Variants in TMEM131 observed in about 807,000 individuals in gnomAD.
TMEM131 encodes 2610524E03Rik.
A neutral mutation model predicts 211.6 loss-of-function variants in TMEM131; 66 were observed. That is an observed-to-expected ratio of 0.31 (90% CI 0.26 to 0.38). The LOEUF (loss-of-function observed/expected upper bound fraction) is 0.38, where lower values mean the gene tolerates loss of function less well. Among genes scored for constraint, TMEM131 ranks in the 10% least tolerant of loss-of-function variants. The probability of loss-of-function intolerance (pLI) is 1.00; values close to 1 mark genes in which losing one functional copy is unlikely to be tolerated. For missense variants in TMEM131, 2,036 were observed against 2,299.3 expected (o/e 0.89, Z 2.34); for synonymous variants, 844 against 841.3 (o/e 1.00, Z -0.06).
rs766844923 is a variant in TMEM131 at position 97,814,107 on chromosome 2, G to A, written c.1481C>T (p.Pro494Leu). Residue 494 changes from proline (P) to leucine (L), a missense_variant, in exon 15 of 41, where the codon CCT (proline) becomes CTT (leucine). Coordinates refer to ENST00000186436, the MANE Select transcript of TMEM131 (RefSeq NM_015348.2). ...HNFSKPVLIL[P>L]NESGYIFTLL... ...GGTAAAAATGTATCCTGATTCATTA[G>A]GAAGAATTAAGACTGGTTTGCTGAA... The A allele has an allele frequency of 7.5e-6, 12 of 1,609,640 alleles. No homozygotes were observed. In the South Asian group the frequency reaches 1.3e-4, roughly 18 times the overall value.
At chr2:97,830,273 ACAAT>A (rs1414199815) in intron 11 of TMEM131, among the ~76,000 whole-genome samples, 1 of 152,210 alleles carries the variant, frequency 6.6e-6, no homozygotes, top group African/African-American at 2.4e-5. Flanking sequence ...CAACTCATAC[ACAAT>A]CAACACCTTG....
At chr2:97,858,180 C>T (rs1673924482) in intron 5 of TMEM131, among the ~76,000 whole-genome samples, 1 of 152,058 alleles carries the variant, frequency 6.6e-6, no homozygotes, top group Non-Finnish European at 1.5e-5. Flanking sequence ...TCTTACATGG[C>T]TAAAAAGGTT....
At chr2:97,781,323 G>A (rs1362082683) in intron 31 of TMEM131, among the ~76,000 whole-genome samples, 1 of 152,204 alleles carries the variant, frequency 6.6e-6, no homozygotes, top group Non-Finnish European at 1.5e-5. Context: ...TACCAATGCT[G>A]TGACCTGCTC....
chr2:97,837,981 A>G (rs1342077340), intron 7 of TMEM131, among the ~76,000 whole-genome samples: 1 of 152,202 alleles, frequency 6.6e-6, no homozygotes, highest in Non-Finnish European at 1.5e-5. Flanking sequence ...GAATAATACA[A>G]CATATACTCT....
At chr2:97,856,474 G>A (rs1056997792) in intron 5 of TMEM131, among the ~76,000 whole-genome samples, 1 of 152,072 alleles carries the variant, frequency 6.6e-6, no homozygotes, top group Non-Finnish European at 1.5e-5. Flanking sequence ...GTAAAACTTA[G>A]TTTGAACAAT....
chr2:97,960,017 T>C (rs1034342949), intron 1 of TMEM131, among the ~76,000 whole-genome samples: 5 of 152,194 alleles, frequency 3.3e-5, no homozygotes, highest in Admixed American at 1.3e-4. Flanking sequence ...AAGAATAATA[T>C]AGAAATGACA....
intron 2 of TMEM131, chr2:97,911,502 C>T (rs757980517): frequency 2.8e-5 from 8 of 283,786 alleles, no homozygotes; most frequent in African/African-American, 4.6e-5. Context: ...TATGGTCTCA[C>T]ATGAAGTCTA....
chr2:97,897,891 A>G (rs1415444347), intron 3 of TMEM131, among the ~76,000 whole-genome samples: 2 of 152,132 alleles, frequency 1.3e-5, no homozygotes, highest in Admixed American at 6.6e-5. Context: ...TATGTCTTTA[A>G]CAGATATTTA....
chr2:97,987,094 C>T (rs1425176735), intron 1 of TMEM131, among the ~76,000 whole-genome samples: 1 of 152,198 alleles, frequency 6.6e-6, no homozygotes, highest in Non-Finnish European at 1.5e-5. Flanking sequence ...AACTTCACTG[C>T]CAAGACAGTT....
At chr2:97,802,963 T>C (rs1302130778) in intron 22 of TMEM131, among the ~76,000 whole-genome samples, 173 bp from the exon 23 acceptor site, 1 of 152,230 alleles carries the variant, frequency 6.6e-6, no homozygotes, top group Non-Finnish European at 1.5e-5. Flanking sequence ...GTCTCTATAT[T>C]GGTGCAAAGA....
At chr2:97,866,567 G>C (rs1674278431) in intron 4 of TMEM131, among the ~76,000 whole-genome samples, 1 of 152,012 alleles carries the variant, frequency 6.6e-6, no homozygotes, top group Non-Finnish European at 1.5e-5. Context: ...GTTTGCTTTA[G>C]TTGGCTCTTT....
chr2:97,866,040 G>A (rs929005716), intron 4 of TMEM131, among the ~76,000 whole-genome samples: 2 of 146,572 alleles, frequency 1.4e-5, no homozygotes, highest in Non-Finnish European at 1.5e-5. Context: ...CCACTAACAC[G>A]CCTGGCTAAT....
rs189623285 is a variant in TMEM131, at chr2:97,761,750, T to C, written c.4889+285A>G. The C allele has an allele frequency of 2.0e-4, 64 of 314,344 alleles. No homozygotes were observed. The East Asian group carries it at 2.6e-3, about 13-fold the overall frequency. 19.5% of individuals were successfully genotyped at this position (314,344 alleles called of 1,614,324 possible). On this transcript the variant is annotated intron_variant, in intron 36 of 40. Transcript: ENST00000186436. Reference sequence around the variant, plus strand: ...TCATGTAAGGCTTAGTAAATGTTCATTGGCTCACTGAGAATATCACTCTAG... The same window carrying C: ...TCATGTAAGGCTTAGTAAATGTTCACTGGCTCACTGAGAATATCACTCTAG...
intron 25 of TMEM131, among the ~76,000 whole-genome samples, chr2:97,798,133 A>G (rs773004498): frequency 2.0e-5 from 3 of 152,300 alleles, no homozygotes; most frequent in African/African-American, 7.2e-5. Flanking sequence ...TTACTGTTTC[A>G]TAAACACCCA....
chr2:97,923,626 TTTAAA>T (rs1179765262), intron 2 of TMEM131, among the ~76,000 whole-genome samples: 166 of 61,754 alleles, frequency 2.7e-3, no homozygotes, highest in Non-Finnish European at 5.0e-3. Flanking sequence ...TGTCTTTTTT[TTTAAA>T]AAAAAAAAAA....
intron 1 of TMEM131, among the ~76,000 whole-genome samples, chr2:97,976,155 G>C (rs1679524879): frequency 1.3e-5 from 2 of 152,130 alleles, no homozygotes; most frequent in South Asian, 4.1e-4. Context: ...AGACAGAGAT[G>C]TCCACTTTTA....
At chr2:97,972,428 G>A (rs1679338167) in intron 1 of TMEM131, among the ~76,000 whole-genome samples, 2 of 118,596 alleles carry the variant, frequency 1.7e-5, no homozygotes, top group South Asian at 6.0e-4. Flanking sequence ...GGAAAGAAAG[G>A]AAAGAAAGGG....
At chr2:97,974,900 A>T (rs1679464191) in intron 1 of TMEM131, among the ~76,000 whole-genome samples, 1 of 152,212 alleles carries the variant, frequency 6.6e-6, no homozygotes, top group African/African-American at 2.4e-5. Context: ...TGTGTTTCTC[A>T]ATAATTGATG....
At chr2:97,946,683 G>A (rs73960433) in intron 1 of TMEM131, among the ~76,000 whole-genome samples, 10,968 of 151,402 alleles carry the variant, frequency 0.072, 483 homozygotes, top group Middle Eastern at 0.12. Flanking sequence ...AAAATCATAC[G>A]CAAACTCTCC....
Sources: gnomAD v4.1 joint callset for allele counts (sites outside exome capture counted in the v4.1 genomes callset) on GRCh38, gnomAD v4.1.1 for gene constraint, MANE v1.5 for transcripts, NCBI Gene and HGNC (gene_info 2026-07-23, HGNC 2026-07-21) for gene names.